The following NSUN6 variants were observed in gnomAD, a reference collection of about 807,000 sequenced individuals.
NSUN6 encodes tRNA (cytosine(72)-C(5))-methyltransferase NSUN6.
NSUN6 carries 64 observed loss-of-function variants against 58.0 expected under a neutral mutation model. That is an observed-to-expected ratio of 1.10 (90% CI 0.90 to 1.36). NSUN6 has a LOEUF of 1.36. NSUN6 is among the 40% of genes most tolerant of loss of function. NSUN6 has a pLI of 0.00. For synonymous variants in NSUN6, 231 were observed against 193.9 expected (o/e 1.19, Z -1.59); for missense variants, 701 against 550.1 (o/e 1.27, Z -2.74).
intron 6 of NSUN6, among the ~76,000 whole-genome samples, chr10:18,601,475 T>C (rs963705455): frequency 1.3e-5 from 2 of 152,154 alleles, no homozygotes; most frequent in African/African-American, 4.8e-5. Context: ...TTCAGCTCCC[T>C]TTAACCTCAA....
At chr10:18,647,251 A>C (rs1161989643) in intron 2 of NSUN6, among the ~76,000 whole-genome samples, 1 of 152,188 alleles carries the variant, frequency 6.6e-6, no homozygotes, top group Non-Finnish European at 1.5e-5. Flanking sequence ...AACTAAATAC[A>C]GCTTGTGATT....
At chr10:18,597,412 G>A (rs2057632775) in intron 6 of NSUN6, among the ~76,000 whole-genome samples, 2 of 152,196 alleles carry the variant, frequency 1.3e-5, no homozygotes, top group Admixed American at 6.5e-5. Flanking sequence ...GCCTCTTAAA[G>A]CTTAAAGGTT....
At chr10:18,604,981 G>C (rs1393528002) in intron 6 of NSUN6, among the ~76,000 whole-genome samples, 1 of 151,138 alleles carries the variant, frequency 6.6e-6, no homozygotes, top group Non-Finnish European at 1.5e-5. Flanking sequence ...CGCCTCCCGG[G>C]TTCATGCCAT....
chr10:18,630,535 A>G (rs533334638), intron 3 of NSUN6, among the ~76,000 whole-genome samples: 1 of 152,340 alleles, frequency 6.6e-6, no homozygotes, highest in South Asian at 2.1e-4. Context: ...AAAAGAGAGA[A>G]GAATCAAATA....
Position 18,551,844 on chromosome 10 carries a change from T to C in NSUN6, c.1050A>G (p.Leu350=). 1 of 1,613,548 alleles carries C rather than the reference T, an allele frequency of 6.2e-7. No homozygotes were observed. Among genetic ancestry groups the C allele is most frequent in the Non-Finnish European group, 8.5e-7 (1 of 1,179,688 alleles). Residue 350 remains leucine, a synonymous_variant, in exon 9 of 11, where the codon TTA becomes TTG. Coordinates refer to ENST00000377304, the MANE Select transcript of NSUN6 (RefSeq NM_182543.5). ...SVKEVASYQP[L]QRKLFTAAVQ... ...ATACTGCAGTGAAGAGTTTTCGCTGTAATGGCTGATATGATGCCACTTCCT... is the reference window on the plus strand; with the variant it reads ...ATACTGCAGTGAAGAGTTTTCGCTGCAATGGCTGATATGATGCCACTTCCT...
chr10:18,635,111 C>A (rs553763872), intron 3 of NSUN6, among the ~76,000 whole-genome samples: 2 of 152,296 alleles, frequency 1.3e-5, no homozygotes, highest in East Asian at 3.9e-4. Context: ...GCCTATGTGA[C>A]CAGCCCAATA....
At chr10:18,627,765 G>A (rs1022267388) in intron 3 of NSUN6, among the ~76,000 whole-genome samples, 5 of 152,268 alleles carry the variant, frequency 3.3e-5, no homozygotes, top group South Asian at 4.1e-4. Context: ...CTACGCCCAC[G>A]GAGTCTCGCT....
chr10:18,547,141 G>A (rs375725289), intron 10 of NSUN6, among the ~76,000 whole-genome samples: 2 of 152,132 alleles, frequency 1.3e-5, no homozygotes, highest in African/African-American at 4.8e-5. Flanking sequence ...AATTAGTTTA[G>A]AGGAATCATA....
At position 18,626,855 on chromosome 10, in the gene NSUN6, T is replaced by A. The variant is rs138088483; in HGVS notation, c.312-10562A>T. On this transcript the variant is annotated intron_variant, in intron 3 of 10. Transcript: ENST00000377304. ...TTTGGATTTCAAGAGATTTATGCTG[T>A]TGAATTACATATTCAATTGTGAAAG... Among the ~76,000 whole-genome samples the A allele has an allele frequency of 2.6e-3, 391 of 152,362 alleles. 2 individuals are homozygous for A. Among genetic ancestry groups the A allele is most frequent in the African/African-American group, 8.6e-3 (356 of 41,582 alleles).
chr10:18,550,536 A>C (rs2054534783), intron 9 of NSUN6, among the ~76,000 whole-genome samples: 1 of 152,138 alleles, frequency 6.6e-6, no homozygotes, highest in African/African-American at 2.4e-5. Flanking sequence ...AAATCCACTG[A>C]GTCATTTTTG....
intron 7 of NSUN6, among the ~76,000 whole-genome samples, chr10:18,592,612 G>A (rs1277386769): frequency 1.3e-5 from 2 of 152,154 alleles, no homozygotes; most frequent in Non-Finnish European, 2.9e-5. Flanking sequence ...AACAAGCAAT[G>A]GTGAAAGGAT....
chr10:18,648,935 T>C (rs1445148721), intron 1 of NSUN6, among the ~76,000 whole-genome samples: 1 of 152,230 alleles, frequency 6.6e-6, no homozygotes, highest in Non-Finnish European at 1.5e-5. Context: ...TAGTATCTGC[T>C]ACATTTATTC....
Position 18,611,235 on chromosome 10 carries a change from C to G in NSUN6, c.576-1309G>C, listed in dbSNP as rs576431299. On this transcript the variant is annotated intron_variant, in intron 5 of 10. Coordinates refer to ENST00000377304, the MANE Select transcript of NSUN6 (RefSeq NM_182543.5). ...TTTTTTTTAAAAATCATAACTTATA[C>G]CTAGTTTAAGGGTACAATCCAAGGA... 3.3e-5 allele frequency among the ~76,000 whole-genome samples: 5 copies of G among 152,030 alleles called. No individual in the cohort carries two copies. The East Asian group carries it at 9.7e-4, about 30-fold the overall frequency.
At chr10:18,634,062 T>G (rs1264052716) in intron 3 of NSUN6, among the ~76,000 whole-genome samples, 2 of 152,256 alleles carry the variant, frequency 1.3e-5, no homozygotes, top group Non-Finnish European at 2.9e-5. Context: ...AGGATGTAAC[T>G]GTTTCCATTC....
chr10:18,635,800 T>A (rs914901835), intron 3 of NSUN6, among the ~76,000 whole-genome samples: 1 of 151,462 alleles, frequency 6.6e-6, no homozygotes, highest in Non-Finnish European at 1.5e-5. Context: ...ATCCTGCCAC[T>A]GCACTCCAGT....
intron 3 of NSUN6, among the ~76,000 whole-genome samples, chr10:18,617,288 A>G (rs538257229): frequency 6.6e-6 from 1 of 151,512 alleles, no homozygotes; most frequent in Non-Finnish European, 1.5e-5. Flanking sequence ...TCTGGGTTAA[A>G]GTGATTCTCA....
At position 18,618,640 on chromosome 10, in the gene NSUN6, C is replaced by T. The variant is rs576884156; in HGVS notation, c.312-2347G>A. ...GAGGTTGCAGTGAGCCGAGATGGTGCCATTGCACTCCAGCGTGGGCAATAA... is the reference window on the plus strand; with the variant it reads ...GAGGTTGCAGTGAGCCGAGATGGTGTCATTGCACTCCAGCGTGGGCAATAA... On this transcript the variant is annotated intron_variant, in intron 3 of 10. Coordinates refer to ENST00000377304, the MANE Select transcript of NSUN6 (RefSeq NM_182543.5). 1.0e-3 allele frequency among the ~76,000 whole-genome samples: 153 copies of T among 150,082 alleles called. 1 individual carries two copies. Among genetic ancestry groups the T allele is most frequent in the African/African-American group, 3.7e-3 (150 of 40,514 alleles).
At chr10:18,558,284 G>A (rs1375490801) in intron 8 of NSUN6, among the ~76,000 whole-genome samples, 1 of 150,284 alleles carries the variant, frequency 6.7e-6, no homozygotes, top group African/African-American at 2.4e-5. Flanking sequence ...ATGGAGAATG[G>A]AAGGAAATGG....
At chr10:18,567,342 CATTCT>C (rs912845197) in intron 8 of NSUN6, among the ~76,000 whole-genome samples, 8 of 149,066 alleles carry the variant, frequency 5.4e-5, no homozygotes, top group Admixed American at 4.7e-4. Context: ...CATTCCATTC[CATTCT>C]ATTCTCCATT....
Sources: allele counts gnomAD v4.1 joint callset (sites outside exome capture counted in the v4.1 genomes callset), GRCh38; gene constraint gnomAD v4.1.1; transcripts MANE v1.5; gene names NCBI Gene and HGNC (gene_info 2026-07-23, HGNC 2026-07-21).